Variants in FKBP15 observed in about 807,000 individuals in gnomAD.
FKBP15 encodes the protein FK506-binding protein 15.
In FKBP15, 106 loss-of-function variants were observed where a neutral mutation model predicts 158.1. The observed-to-expected ratio is 0.67, with a 90% CI of 0.57 to 0.79. The LOEUF is 0.79. Ranked by LOEUF, FKBP15 falls within the 30% of genes least tolerant of loss-of-function variation. FKBP15 has a pLI of 0.00. For synonymous variants in FKBP15, 547 were observed against 548.6 expected (o/e 1.00, Z 0.04); for missense variants, 1,287 against 1,479.1 (o/e 0.87, Z 2.13).
At chr9:113,177,483 T>C (rs747691485) in intron 20 of FKBP15, among the ~76,000 whole-genome samples, 13 of 152,212 alleles carry the variant, frequency 8.5e-5, no homozygotes, top group Non-Finnish European at 1.5e-4. Flanking sequence ...CCAGTCATGC[T>C]CTAAAAGGGA....
Position 113,196,926 on chromosome 9 carries a change from A to C in FKBP15, c.864+6T>G, listed in dbSNP as rs1830696922. The C allele has an allele frequency of 4.3e-6, 7 of 1,613,228 alleles. No individual in the cohort carries two copies. Among genetic ancestry groups the C allele is most frequent in the Non-Finnish European group, 5.1e-6 (6 of 1,179,426 alleles). The stretch of plus-strand genomic sequence containing the variant: ...CATCAAACAAAACACAGAGAGTTTC[A>C]CTCACCCGCCTAACCTCCACCTCGA... On this transcript the variant is annotated splice_donor_region_variant and intron_variant, in intron 9 of 27. Coordinates refer to ENST00000238256, the MANE Select transcript of FKBP15 (RefSeq NM_015258.2).
At position 113,163,013 on chromosome 9, in the gene FKBP15, C is replaced by A; in HGVS notation, c.*3065G>T. ...ACTGCCCTTTCTTCTGATGGCTATT[C>A]CTCCACCTTATTCCCAGCCCCTGGA... On this transcript the variant is annotated 3_prime_UTR_variant, in exon 28 of 28. Coordinates refer to ENST00000238256, the MANE Select transcript of FKBP15 (RefSeq NM_015258.2). 8.5e-7 allele frequency: 1 copy of A among 1,175,582 alleles called. No homozygotes were observed. The allele number at this position is 1,175,582 out of a possible 1,614,324, so 72.8% of individuals were successfully genotyped here.
At chr9:113,180,679 A>G (rs1830380799) in intron 19 of FKBP15, among the ~76,000 whole-genome samples, 1 of 152,212 alleles carries the variant, frequency 6.6e-6, no homozygotes, top group African/African-American at 2.4e-5. Context: ...AAAGGAATAT[A>G]GCTGAATGGA....
At chr9:113,174,203 T>G (rs1187012190) in intron 22 of FKBP15, among the ~76,000 whole-genome samples, 1 of 152,208 alleles carries the variant, frequency 6.6e-6, no homozygotes, top group African/African-American at 2.4e-5. Context: ...TCATTTTTAC[T>G]TATGTAATTA....
intron 19 of FKBP15, among the ~76,000 whole-genome samples, chr9:113,179,441 A>C (rs1830353586): frequency 6.6e-6 from 1 of 152,188 alleles, no homozygotes; most frequent in South Asian, 2.1e-4. Flanking sequence ...AAGCGGGCAG[A>C]TCACGAGGTC....
intron 18 of FKBP15, 89 bp from the exon 19 acceptor site, chr9:113,182,957 T>G: frequency 9.5e-7 from 1 of 1,047,540 alleles, no homozygotes; most frequent in Non-Finnish European, 1.5e-6. Flanking sequence ...CCTCACAACA[T>G]TGCTGCTCTA....
chr9:113,205,564 T>C (rs960313850), intron 4 of FKBP15, among the ~76,000 whole-genome samples: 5 of 152,132 alleles, frequency 3.3e-5, no homozygotes, highest in Admixed American at 6.5e-5. Flanking sequence ...ATACATTGCT[T>C]GTGGGAATGT....
At chr9:113,196,381 C>CTTT (rs71384299) in intron 9 of FKBP15, among the ~76,000 whole-genome samples, 1 of 101,812 alleles carries the variant, frequency 9.8e-6, no homozygotes, top group Non-Finnish European at 2.0e-5. Context: ...GAAGAAGTGA[C>CTTT]TTTTTTTTTT....
chr9:113,165,960 G>T lies in FKBP15; in HGVS notation c.*118C>A. On this transcript the variant is annotated 3_prime_UTR_variant, in exon 28 of 28. Transcript: ENST00000238256. Reference sequence around the variant, plus strand: ...AACCCACCCTCTGAGCCCAAATATTGTTCCCAGAATGCTCACCTTGACCTC... The same window carrying T: ...AACCCACCCTCTGAGCCCAAATATTTTTCCCAGAATGCTCACCTTGACCTC... 1 of 918,986 alleles carries T rather than the reference G, an allele frequency of 1.1e-6. No individual in the cohort carries two copies. The highest frequency in any genetic ancestry group is 1.6e-6 in the Non-Finnish European group (1 of 612,624). The allele number at this position is 918,986 out of a possible 1,614,324, so 56.9% of individuals were successfully genotyped here.
chr9:113,210,683 G>A (rs1347964511), intron 2 of FKBP15, among the ~76,000 whole-genome samples: 2 of 152,170 alleles, frequency 1.3e-5, no homozygotes, highest in African/African-American at 4.8e-5. Flanking sequence ...TGCCAAAGGA[G>A]ATTAACATCT....
At chr9:113,187,673 A>T in intron 14 of FKBP15, 120 bp downstream of exon 14, 1 of 808,246 alleles carries the variant, frequency 1.2e-6, no homozygotes, top group Non-Finnish European at 2.0e-6. Context: ...GAAGGGAAAA[A>T]AATTACAAAC....
At chr9:113,202,925 G>T (rs182532516) in intron 5 of FKBP15, 36 bp downstream of exon 5, 1 of 1,521,936 alleles carries the variant, frequency 6.6e-7, no homozygotes, top group East Asian at 2.3e-5. Context: ...AACCTATCCC[G>T]AAGGAGCTAA....
chr9:113,181,739 A>G (rs10118727), intron 19 of FKBP15, among the ~76,000 whole-genome samples: 29,374 of 152,070 alleles, frequency 0.19, 3,107 homozygotes, highest in African/African-American at 0.23. Context: ...GAAAAAACAA[A>G]CAAGCAAACA....
chr9:113,214,449 G>C (rs961159275), intron 1 of FKBP15, among the ~76,000 whole-genome samples: 2 of 152,160 alleles, frequency 1.3e-5, no homozygotes, highest in Non-Finnish European at 2.9e-5. Flanking sequence ...TTGAAAGAAG[G>C]CTTTTTTTTT....
Position 113,207,006 on chromosome 9 carries a change from A to C in FKBP15, c.254+206T>G, listed in dbSNP as rs73655848. On this transcript the variant is annotated intron_variant, in intron 3 of 27. Coordinates refer to ENST00000238256, the MANE Select transcript of FKBP15 (RefSeq NM_015258.2). ...TTTGACAGCTGTTGAGGGTACAAGC[A>C]CTCCCTAAAGACAGTAGACAAGATA... 5.9e-3 allele frequency: 3,120 copies of C among 527,498 alleles called. 89 individuals are homozygous for C. Among genetic ancestry groups the C allele is most frequent in the African/African-American group, 0.054 (2,825 of 52,276 alleles). The allele number at this position is 527,498 out of a possible 1,614,324, so 32.7% of individuals were successfully genotyped here. A position where few individuals can be genotyped will look rare whatever the true frequency, so the allele number is the denominator to read the frequency against.
In FKBP15 at chr9:113,179,247, G is replaced by C. The variant is rs145277820; in HGVS notation, c.1915-446C>G. On this transcript the variant is annotated intron_variant, in intron 19 of 27. Coordinates refer to ENST00000238256, the MANE Select transcript of FKBP15 (RefSeq NM_015258.2). ...GTTGTCTATTTCCTTATTATCATTT[G>C]TCTCTTCTTACTGTGTTCACTGTAC... Among the ~76,000 whole-genome samples the C allele has an allele frequency of 4.2e-3, 639 of 151,972 alleles. 3 individuals are homozygous for C. Among genetic ancestry groups the C allele is most frequent in the East Asian group, 0.041 (211 of 5,170 alleles).
At chr9:113,191,421 A>G (rs7866724) in intron 11 of FKBP15, among the ~76,000 whole-genome samples, 46,876 of 151,606 alleles carry the variant, frequency 0.31, 7,367 homozygotes, top group East Asian at 0.34. Context: ...GTTTGCTTAC[A>G]GGGATTGGTG....
In FKBP15 at chr9:113,169,591, G is replaced by A. The variant is rs772161019; in HGVS notation, c.3118C>T (p.Pro1040Ser). The A allele has an allele frequency of 4.2e-5, 67 of 1,613,912 alleles. No individual in the cohort carries two copies. Among genetic ancestry groups the A allele is most frequent in the African/African-American group, 8.0e-5 (6 of 74,934 alleles). Residue 1040 changes from proline to serine, a missense_variant, in exon 26 of 28, where the codon CCC becomes TCC. Transcript: ENST00000238256. Reference sequence around the variant, plus strand: ...GGCTCAGGTGGAATTGAAGTCGGGGGCCCTAGAACTCTGTGGGATGGGATG... The same window carrying A: ...GGCTCAGGTGGAATTGAAGTCGGGGACCCTAGAACTCTGTGGGATGGGATG... ...SCIPSHRVLG[P>S]PTSIPPEPLG...
chr9:113,199,940 A>G lies in FKBP15; in HGVS notation c.522T>C (p.Ser174=), dbSNP rs748621946. ...NKQVCIAKCN[S]TSSLDAVLSQ... ...AGAGCACTGCATCCAGGGAAGAGGT[A>G]CTGTTGCACTTAGCAATGCACACCT... Residue 174 remains serine (S), a synonymous_variant, in exon 7 of 28, where the codon AGT becomes AGC. Coordinates refer to ENST00000238256, the MANE Select transcript of FKBP15 (RefSeq NM_015258.2). 3.7e-6 allele frequency: 6 copies of G among 1,613,204 alleles called. No individual in the cohort carries two copies. The South Asian group carries it at 6.6e-5, about 18-fold the overall frequency.
Sources: gnomAD v4.1 joint callset for allele counts (sites outside exome capture counted in the v4.1 genomes callset) on GRCh38, gnomAD v4.1.1 for gene constraint, MANE v1.5 for transcripts, NCBI Gene and HGNC (gene_info 2026-07-23, HGNC 2026-07-21) for gene names.